Variants in FCRL6 observed in about 807,000 individuals in gnomAD.
FCRL6 encodes the protein Fc receptor like 6.
Under a neutral mutation model 49.1 loss-of-function variants are expected in FCRL6, and 50 were observed. The observed-to-expected ratio is 1.02, with a 90% CI of 0.81 to 1.29. The LOEUF is 1.29. Among genes scored for constraint, FCRL6 ranks in the 50% most tolerant of loss-of-function variants. The pLI, the probability that FCRL6 is intolerant of heterozygous loss-of-function variation, is 0.00. For missense variants in FCRL6, 571 were observed against 518.5 expected (o/e 1.10, Z -0.98); for synonymous variants, 213 against 199.6 (o/e 1.07, Z -0.57).
At chr1:159,809,809 G>T in intron 5 of FCRL6, 126 bp downstream of exon 5, 1 of 856,160 alleles carries the variant, frequency 1.2e-6, no homozygotes. Context: ...GCATGACTGA[G>T]CATGGACCCT....
intron 6 of FCRL6, among the ~76,000 whole-genome samples, chr1:159,812,644 G>A (rs979819082): frequency 1.4e-4 from 22 of 152,194 alleles, no homozygotes; most frequent in African/African-American, 4.8e-4. Context: ...ACGAATGAGC[G>A]TTGGAGAATG....
intron 2 of FCRL6, among the ~76,000 whole-genome samples, chr1:159,807,452 G>T (rs368981009): frequency 6.6e-6 from 1 of 152,240 alleles, no homozygotes; most frequent in Non-Finnish European, 1.5e-5. Context: ...AGCCTGCCCT[G>T]CAGGTGATGG....
intron 3 of FCRL6, 117 bp from the exon 4 acceptor site, chr1:159,808,844 G>C: frequency 1.9e-6 from 2 of 1,051,218 alleles, no homozygotes; most frequent in Non-Finnish European, 2.7e-6. Context: ...GGATGAAACT[G>C]CCTCCCATCG....
upstream of FCRL6, among the ~76,000 whole-genome samples, chr1:159,801,166 T>C (rs761204721): frequency 9.2e-5 from 14 of 152,368 alleles, no homozygotes; most frequent in Non-Finnish European, 1.6e-4. Context: ...TGAGGGAACA[T>C]TGAATAATTT....
chr1:159,804,960 C>G (rs150387703), intron 1 of FCRL6, among the ~76,000 whole-genome samples: 1,955 of 152,240 alleles, frequency 0.013, 26 homozygotes, highest in Middle Eastern at 0.071. Context: ...CACAACTACA[C>G]TGTAAGAAAA....
chr1:159,809,561 G>A lies in FCRL6; in HGVS notation c.764G>A (p.Cys255Tyr), dbSNP rs1406103536. 1 of 1,614,210 alleles carries A rather than the reference G, an allele frequency of 6.2e-7. No homozygotes were observed. The highest frequency in any genetic ancestry group is 8.5e-7 in the Non-Finnish European group (1 of 1,180,028). ...ATTGTGGGGAACCACTCAGCTCCCT[G>A]TGGTGGAACCACCTCCCTCCTCTTC... ...EKIVGNHSAP[C>Y]GGTTSLLFPV... is the part of the protein sequence containing the mutation. The change falls in exon 5 of 10, where the codon TGT becomes TAT. Residue 255 changes from cysteine to tyrosine, a missense_variant. Cys to Tyr is a radical substitution (Grantham distance 194, BLOSUM62 -2). Transcript: ENST00000368106.
intron 4 of FCRL6, 66 bp from the exon 5 acceptor site, chr1:159,809,336 C>T: frequency 6.5e-7 from 1 of 1,532,708 alleles, no homozygotes; most frequent in Non-Finnish European, 8.8e-7. Context: ...GGAAGGGTCC[C>T]CAGGAGAGGA....
In FCRL6 at chr1:159,802,381, C is replaced by G; in HGVS notation, c.-44C>G. 6.2e-7 allele frequency: 1 copy of G among 1,612,174 alleles called. No homozygotes were observed. The highest frequency in any genetic ancestry group is 8.5e-7 in the Non-Finnish European group (1 of 1,178,916). ...TGCTCTCTGCCGGCTTCGCCCTGAC[C>G]TGTTTCTGACCTGTGTTCCCTCCGC... is the stretch of plus-strand genomic sequence containing the variant. On this transcript the variant is annotated 5_prime_UTR_variant, in exon 1 of 10. Coordinates refer to ENST00000368106, the MANE Select transcript of FCRL6 (RefSeq NM_001004310.3).
chr1:159,809,999 A>G, intron 5 of FCRL6, 95 bp from the exon 6 acceptor site: 1 of 1,447,872 alleles, frequency 6.9e-7, no homozygotes. Context: ...CGGTTCCCCT[A>G]ATATCAGTCA....
intron 8 of FCRL6, 77 bp downstream of exon 8, chr1:159,814,369 G>A (rs1663265176): frequency 2.0e-6 from 2 of 1,019,972 alleles, no homozygotes; most frequent in African/African-American, 1.6e-5. Context: ...CACTACCACT[G>A]TCATTACCAC....
chr1:159,813,647 C>T, intron 7 of FCRL6, 93 bp downstream of exon 7: 2 of 1,118,078 alleles, frequency 1.8e-6, no homozygotes, highest in Non-Finnish European at 2.7e-6. Flanking sequence ...AGCCCTGTAT[C>T]TCAGGAATTG....
At chr1:159,804,871 T>A (rs1360829920) in intron 1 of FCRL6, among the ~76,000 whole-genome samples, 1 of 152,252 alleles carries the variant, frequency 6.6e-6, no homozygotes, top group Non-Finnish European at 1.5e-5. Context: ...AAGGTCTCTG[T>A]CACTCTGAGG....
intron 6 of FCRL6, among the ~76,000 whole-genome samples, chr1:159,810,701 T>C (rs1346033323): frequency 6.6e-6 from 1 of 152,182 alleles, no homozygotes; most frequent in Non-Finnish European, 1.5e-5. Context: ...ACTCATCTTG[T>C]ACAGTACTTT....
upstream of FCRL6, among the ~76,000 whole-genome samples, chr1:159,801,642 A>G (rs916568255): frequency 7.9e-5 from 12 of 152,042 alleles, no homozygotes; most frequent in Non-Finnish European, 1.2e-4. Context: ...TTTTTCTAGT[A>G]TGTTGTCTGT....
intron 7 of FCRL6, among the ~76,000 whole-genome samples, 158 bp from the exon 8 acceptor site, chr1:159,814,063 T>C (rs1663241801): frequency 6.6e-6 from 1 of 152,198 alleles, no homozygotes; most frequent in South Asian, 2.1e-4. Flanking sequence ...CTGACTCCCC[T>C]TGCCATGATG....
intron 1 of FCRL6, among the ~76,000 whole-genome samples, chr1:159,805,686 T>C (rs1662630985): frequency 6.6e-6 from 1 of 152,254 alleles, no homozygotes. Context: ...GATGCAAGCA[T>C]GATGTGGGAT....
rs556083687 is a variant in FCRL6 at position 159,809,328 on chromosome 1, A to G, written c.605-74A>G. On this transcript the variant is annotated intron_variant, in intron 4 of 9. Transcript: ENST00000368106. ...CCCCTGGGACTAAAGGAGTTGGGGGAAGGGTCCCCAGGAGAGGAGGGAGCC... is the reference window on the plus strand; with the variant it reads ...CCCCTGGGACTAAAGGAGTTGGGGGGAGGGTCCCCAGGAGAGGAGGGAGCC... 6.3e-4 allele frequency: 957 copies of G among 1,526,964 alleles called. 8 individuals are homozygous for G. The African/African-American group carries it at 0.011, about 18-fold the overall frequency. The allele number at this position is 1,526,964 out of a possible 1,614,324, so 94.6% of individuals were successfully genotyped here.
chr1:159,812,293 C>T (rs1332682336), intron 6 of FCRL6, among the ~76,000 whole-genome samples: 2 of 152,224 alleles, frequency 1.3e-5, no homozygotes, highest in Non-Finnish European at 2.9e-5. Context: ...GCCTTGTTCT[C>T]CACACCCAGC....
rs1172818432 is a variant in FCRL6, at chr1:159,808,262, C to T, written c.137C>T (p.Pro46Leu). ...CGATGTCAGGGATGGAAGAATACACCACTGTCTCAGGTGAAGTTCTACAGA... is the reference window on the plus strand; with the variant it reads ...CGATGTCAGGGATGGAAGAATACACTACTGTCTCAGGTGAAGTTCTACAGA... Reference protein sequence around the residue: ...TLRCQGWKNTPLSQVKFYRDG... With the variant: ...TLRCQGWKNTLLSQVKFYRDG... Residue 46 changes from proline to leucine, a missense_variant, in exon 3 of 10, where the codon CCA becomes CTA. Pro to Leu is a moderately conservative substitution (Grantham distance 98). Coordinates refer to ENST00000368106, the MANE Select transcript of FCRL6 (RefSeq NM_001004310.3). 3.1e-6 allele frequency: 5 copies of T among 1,613,542 alleles called. No individual in the cohort carries two copies. In the East Asian group the frequency reaches 6.7e-5, roughly 22 times the overall value.
Sources: allele counts gnomAD v4.1 joint callset (sites outside exome capture counted in the v4.1 genomes callset), GRCh38; gene constraint gnomAD v4.1.1; transcripts MANE v1.5; gene names NCBI Gene and HGNC (gene_info 2026-07-23, HGNC 2026-07-21).